Variants in ZFHX3 observed in about 807,000 individuals in gnomAD.
ZFHX3 encodes the protein zinc finger homeobox 3.
Under a neutral mutation model 279.1 loss-of-function variants are expected in ZFHX3, and 42 were observed. The ratio of observed to expected loss-of-function variants is 0.15; its 90% CI spans 0.12 to 0.19. The LOEUF (loss-of-function observed/expected upper bound fraction) is 0.19, where lower values mean the gene tolerates loss of function less well. Ranked by LOEUF, ZFHX3 falls within the 10% of genes least tolerant of loss-of-function variation. The pLI, the probability that ZFHX3 is intolerant of heterozygous loss-of-function variation, is 1.00. For synonymous variants in ZFHX3, 2,293 were observed against 1,957.8 expected, an observed-to-expected ratio of 1.17 and a Z score of -4.52; for missense variants, 4,981 against 4,754.0, an observed-to-expected ratio of 1.05 and a Z score of -1.40.
chr16:73,278,617 T>C (rs2014370678), intron 4 of ZFHX3, among the ~76,000 whole-genome samples: 1 of 152,208 alleles, frequency 6.6e-6, no homozygotes, highest in African/African-American at 2.4e-5. Flanking sequence ...TTTTATTCCC[T>C]TATCTGTCCC....
intron 2 of ZFHX3, among the ~76,000 whole-genome samples, chr16:73,675,274 C>G (rs1053202910): frequency 6.6e-6 from 1 of 152,060 alleles, no homozygotes; most frequent in African/African-American, 2.4e-5. Context: ...AGCCCAAGTA[C>G]CCTCTAAGCA....
intron 6 of ZFHX3, among the ~76,000 whole-genome samples, chr16:73,139,372 T>C (rs1364435850): frequency 6.6e-6 from 1 of 152,208 alleles, no homozygotes. Flanking sequence ...AGATATCTGA[T>C]AGGACGAAGT....
chr16:73,557,077 A>G (rs1056524702), intron 2 of ZFHX3, among the ~76,000 whole-genome samples: 1 of 134,742 alleles, frequency 7.4e-6, no homozygotes, highest in Non-Finnish European at 1.6e-5. Flanking sequence ...CCTGGGGGAC[A>G]GAGCAAGACT....
chr16:73,105,752 C>CA (rs1005336449), intron 7 of ZFHX3, among the ~76,000 whole-genome samples: 1 of 151,968 alleles, frequency 6.6e-6, no homozygotes, highest in African/African-American at 2.4e-5. Context: ...GCCTCTGTCT[C>CA]AAAAAATAAA....
chr16:72,800,205 T>A, intron 7 of ZFHX3, 76 bp from the exon 8 acceptor site: 1 of 1,272,418 alleles, frequency 7.9e-7, no homozygotes, highest in Non-Finnish European at 1.1e-6. Context: ...AATTATTTAA[T>A]AAGCAAAATT....
At chr16:73,596,423 C>T (rs73602989) in intron 2 of ZFHX3, among the ~76,000 whole-genome samples, 15,239 of 152,040 alleles carry the variant, frequency 0.1, 869 homozygotes, top group Middle Eastern at 0.13. Flanking sequence ...TCAGCCTGCT[C>T]CTGTCTCTCT....
At chr16:73,029,192 C>T (rs1201653591) in intron 1 of ZFHX3, among the ~76,000 whole-genome samples, 4 of 152,172 alleles carry the variant, frequency 2.6e-5, no homozygotes, top group Non-Finnish European at 5.9e-5. Flanking sequence ...CTTTCAATGG[C>T]TCCCACCTGC....
intron 1 of ZFHX3, among the ~76,000 whole-genome samples, chr16:73,884,413 C>T (rs74511524): frequency 0.018 from 2,781 of 152,260 alleles, 82 homozygotes; most frequent in African/African-American, 0.058. Context: ...ATCTTTAAGA[C>T]AACATATCAA....
chr16:73,275,185 G>A (rs1302571307), intron 4 of ZFHX3, among the ~76,000 whole-genome samples: 1 of 152,132 alleles, frequency 6.6e-6, no homozygotes, highest in Non-Finnish European at 1.5e-5. Context: ...CTTTGTATTT[G>A]TGTTCCATTT....
At chr16:73,697,414 T>A (rs2053207893) in intron 1 of ZFHX3, among the ~76,000 whole-genome samples, 1 of 152,224 alleles carries the variant, frequency 6.6e-6, no homozygotes, top group African/African-American at 2.4e-5. Flanking sequence ...TTAGCACATA[T>A]ATTGACCTGT....
chr16:73,863,012 C>G (rs1195759067), intron 1 of ZFHX3, among the ~76,000 whole-genome samples: 1 of 128,130 alleles, frequency 7.8e-6, no homozygotes, highest in Admixed American at 7.8e-5. Flanking sequence ...GGAGACCAGC[C>G]TGGCCAACAT....
chr16:73,574,078 C>T (rs914696650), intron 2 of ZFHX3, among the ~76,000 whole-genome samples: 1 of 152,000 alleles, frequency 6.6e-6, no homozygotes, highest in African/African-American at 2.4e-5. Context: ...AAGGGTAATC[C>T]ATTATTCATA....
chr16:73,390,890 G>A lies in ZFHX3; in HGVS notation c.-1291+65113C>T, dbSNP rs140834677. ...ACCCCCCCAAAAGAGGGCTCAATGAGGTCTCATTCCGTGGTAATGAGCTCC... is the reference window on the plus strand; with the variant it reads ...ACCCCCCCAAAAGAGGGCTCAATGAAGTCTCATTCCGTGGTAATGAGCTCC... On this transcript the variant is annotated intron_variant, in intron 3 of 17. Transcript: ENST00000641206. Among the ~76,000 whole-genome samples, 941 of 152,008 alleles carry A rather than the reference G, an allele frequency of 6.2e-3. 30 individuals are homozygous for A. The highest frequency in any genetic ancestry group is 0.057 in the Admixed American group (869 of 15,276).
In ZFHX3 at chr16:73,534,129, C is replaced by A. The variant is rs191217582; in HGVS notation, c.-1546-77871G>T. 2.0e-3 allele frequency among the ~76,000 whole-genome samples: 302 copies of A among 152,218 alleles called. 1 individual carries two copies. Among genetic ancestry groups the A allele is most frequent in the African/African-American group, 7.1e-3 (297 of 41,546 alleles). ...GCCTGCAAGGTGATCTAACACCCAC[C>A]TCCCTTACCTCTATGACCTCCTACT... On this transcript the variant is annotated intron_variant, in intron 2 of 17. Transcript: ENST00000641206.
intron 3 of ZFHX3, among the ~76,000 whole-genome samples, chr16:73,419,023 C>A (rs1320072304): frequency 6.6e-6 from 1 of 152,160 alleles, no homozygotes; most frequent in East Asian, 1.9e-4. Context: ...AAACACTCAG[C>A]TCTAGAGTAA....
At chr16:73,699,337 A>C (rs2142215117) in intron 1 of ZFHX3, among the ~76,000 whole-genome samples, 1 of 152,348 alleles carries the variant, frequency 6.6e-6, no homozygotes, top group South Asian at 2.1e-4. Context: ...AAATAGATAT[A>C]AAATTGAATA....
At chr16:73,375,538 T>C (rs2016708018) in intron 3 of ZFHX3, among the ~76,000 whole-genome samples, 2 of 152,236 alleles carry the variant, frequency 1.3e-5, no homozygotes, top group African/African-American at 2.4e-5. Flanking sequence ...ACACTCCATA[T>C]AATATATAAC....
chr16:73,780,511 C>T (rs553548612), intron 1 of ZFHX3, among the ~76,000 whole-genome samples: 24 of 150,760 alleles, frequency 1.6e-4, no homozygotes, highest in Non-Finnish European at 2.2e-4. Context: ...GGCATGATCA[C>T]GGCTCACTGC....
chr16:73,373,371 C>T (rs1199469720), intron 3 of ZFHX3, among the ~76,000 whole-genome samples: 1 of 152,102 alleles, frequency 6.6e-6, no homozygotes, highest in Non-Finnish European at 1.5e-5. Context: ...ACCTAGGAGC[C>T]ACGAGCATGC....
Sources: allele counts gnomAD v4.1 joint callset (sites outside exome capture counted in the v4.1 genomes callset), GRCh38; gene constraint gnomAD v4.1.1; transcripts MANE v1.5; gene names NCBI Gene and HGNC (gene_info 2026-07-23, HGNC 2026-07-21).